The following TIAM1 variants were observed in gnomAD, a reference collection of about 807,000 sequenced individuals.
The protein encoded by TIAM1 is TIAM Rac1 associated GEF 1.
A neutral mutation model predicts 163.5 loss-of-function variants in TIAM1; 65 were observed. The ratio of observed to expected loss-of-function variants is 0.40; its 90% CI spans 0.33 to 0.49. The LOEUF (loss-of-function observed/expected upper bound fraction) is 0.49. TIAM1 is among the 20% of genes least tolerant of loss of function. TIAM1 has a pLI of 0.77. For synonymous variants in TIAM1, 833 were observed against 810.1 expected (o/e 1.03, Z -0.48); for missense variants, 1,789 against 2,044.7 (o/e 0.87, Z 2.41).
chr21:31,542,886 C>G (rs990358603), intron 1 of TIAM1, among the ~76,000 whole-genome samples: 1 of 151,776 alleles, frequency 6.6e-6, no homozygotes, highest in African/African-American at 2.4e-5. Flanking sequence ...AAGAATCACT[C>G]AAACTCGGGA....
At chr21:31,464,448 C>T (rs1031088438) in intron 1 of TIAM1, among the ~76,000 whole-genome samples, 1 of 152,134 alleles carries the variant, frequency 6.6e-6, no homozygotes. Flanking sequence ...GTGGTTCACA[C>T]CCTAATCCCA....
At chr21:31,428,685 C>A (rs1366596375) in intron 2 of TIAM1, among the ~76,000 whole-genome samples, 9 of 151,992 alleles carry the variant, frequency 5.9e-5, no homozygotes, top group Non-Finnish European at 1.0e-4. Flanking sequence ...GAGTTCGAGA[C>A]CAGCCTGGGA....
intron 1 of TIAM1, among the ~76,000 whole-genome samples, chr21:31,526,306 C>G (rs1439146780): frequency 1.3e-5 from 2 of 152,198 alleles, no homozygotes; most frequent in African/African-American, 4.8e-5. Flanking sequence ...AGCAGCAAAA[C>G]TAAAAGAGGT....
At chr21:31,430,003 C>G (rs1416107860) in intron 2 of TIAM1, among the ~76,000 whole-genome samples, 1 of 151,824 alleles carries the variant, frequency 6.6e-6, no homozygotes, top group Non-Finnish European at 1.5e-5. Flanking sequence ...GTCAGGAGTT[C>G]AAGACCAGCC....
chr21:31,489,520 A>AGGGAGGGAGGG (rs2046391572), intron 1 of TIAM1, among the ~76,000 whole-genome samples: 1 of 105,834 alleles, frequency 9.4e-6, no homozygotes, highest in African/African-American at 3.9e-5. Context: ...GGAGGGAAGG[A>AGGGAGGGAGGG]AGGGAGGGAG....
chr21:31,190,575 C>T (rs563118340), intron 13 of TIAM1, among the ~76,000 whole-genome samples: 4 of 152,248 alleles, frequency 2.6e-5, no homozygotes, highest in African/African-American at 9.6e-5. Context: ...GAGGAGAACA[C>T]ACGACTAAAA....
Position 31,548,729 on chromosome 21 carries a change from T to A in TIAM1, c.-422+10198A>T, listed in dbSNP as rs139847417. Among the ~76,000 whole-genome samples the A allele has an allele frequency of 3.3e-5, 5 of 151,950 alleles. 2 individuals are homozygous for A. Among genetic ancestry groups the A allele is most frequent in the African/African-American group, 1.2e-4 (5 of 41,442 alleles). ...GTCTCGAACTCCTGGCCACAAGCGA[T>A]CCACCCACCTCAGCCTCCCCAAGTG... On this transcript the variant is annotated intron_variant, in intron 1 of 28. Transcript: ENST00000286827.
chr21:31,447,626 G>T (rs2044675023), intron 2 of TIAM1, among the ~76,000 whole-genome samples: 1 of 152,152 alleles, frequency 6.6e-6, no homozygotes, highest in South Asian at 2.1e-4. Context: ...AAAGCAAATG[G>T]AAGTGAAGAG....
intron 2 of TIAM1, among the ~76,000 whole-genome samples, chr21:31,338,591 G>C (rs562996456): frequency 3.5e-4 from 54 of 152,298 alleles, no homozygotes; most frequent in African/African-American, 1.3e-3. Context: ...AGTACCCACA[G>C]CCCTTTCTGC....
chr21:31,164,994 C>T lies in TIAM1; in HGVS notation c.2959G>A (p.Glu987Lys). Reference protein sequence around the residue: ...APEETEGPDLESSDETDHSSK... With the variant: ...APEETEGPDLKSSDETDHSSK... ...CTGTGATCAGTCTCATCTGAGGATT[C>T]CAAGTCTGGCCCCTCGGTCTCCTCT... The change falls in exon 16 of 28, where the codon GAA becomes AAA. Residue 987 changes from glutamate (E) to lysine (K), a missense_variant. Around this residue, in one of 5 missense-constraint regions of TIAM1, gnomAD observed 303 missense variants for 321.3 expected, o/e 0.94. Coordinates refer to ENST00000541036, the MANE Select transcript of TIAM1 (RefSeq NM_001353694.2). 6.2e-7 allele frequency: 1 copy of T among 1,614,172 alleles called. No individual in the cohort carries two copies. The highest frequency in any genetic ancestry group is 2.2e-5 in the East Asian group (1 of 44,884).
chr21:31,194,341 G>A (rs1421759637), intron 13 of TIAM1, among the ~76,000 whole-genome samples: 1 of 152,030 alleles, frequency 6.6e-6, no homozygotes, highest in Non-Finnish European at 1.5e-5. Flanking sequence ...GCAAACCTAG[G>A]GATGGTCTTG....
intron 1 of TIAM1, among the ~76,000 whole-genome samples, chr21:31,512,337 T>A (rs2047236546): frequency 6.6e-6 from 1 of 152,012 alleles, no homozygotes; most frequent in Non-Finnish European, 1.5e-5. Flanking sequence ...TGGGCTCAAG[T>A]CATCCACCCG....
At chr21:31,144,909 A>G (rs2083040107) in intron 20 of TIAM1, among the ~76,000 whole-genome samples, 1 of 151,772 alleles carries the variant, frequency 6.6e-6, no homozygotes, top group Non-Finnish European at 1.5e-5. Context: ...GTTTTGAAAG[A>G]TAATATAATA....
At chr21:31,289,227 G>A (rs1397392913) in intron 2 of TIAM1, among the ~76,000 whole-genome samples, 3 of 152,182 alleles carry the variant, frequency 2.0e-5, no homozygotes, top group Non-Finnish European at 4.4e-5. Context: ...AGCAAAGGAT[G>A]AGAGTGGAGC....
chr21:31,289,398 T>G (rs1442840795), intron 2 of TIAM1, among the ~76,000 whole-genome samples: 8 of 152,164 alleles, frequency 5.3e-5, no homozygotes, highest in Non-Finnish European at 1.2e-4. Context: ...CCATATTTCT[T>G]TAACTTTCTC....
At chr21:31,418,113 TG>T (rs1473226264) in intron 2 of TIAM1, among the ~76,000 whole-genome samples, 3 of 151,810 alleles carry the variant, frequency 2.0e-5, no homozygotes, top group African/African-American at 4.8e-5. Context: ...CCCAGCACTT[TG>T]GCAGATCACT....
At chr21:31,492,498 T>C (rs1311600048) in intron 1 of TIAM1, among the ~76,000 whole-genome samples, 1 of 152,166 alleles carries the variant, frequency 6.6e-6, no homozygotes. Flanking sequence ...CTTTAAAGAC[T>C]GATCAAGGAC....
intron 13 of TIAM1, among the ~76,000 whole-genome samples, chr21:31,191,414 A>G (rs1008407001): frequency 6.6e-6 from 1 of 152,196 alleles, no homozygotes; most frequent in Non-Finnish European, 1.5e-5. Context: ...TCGGCCTCCC[A>G]AAATGCTGGG....
intron 1 of TIAM1, among the ~76,000 whole-genome samples, chr21:31,553,075 A>G (rs1462983957): frequency 6.6e-6 from 1 of 152,228 alleles, no homozygotes; most frequent in Non-Finnish European, 1.5e-5. Flanking sequence ...ACAGTACTAG[A>G]TAGAGTTATT....
Sources: gnomAD v4.1 joint callset for allele counts (sites outside exome capture counted in the v4.1 genomes callset) on GRCh38, gnomAD v4.1.1 for gene constraint, gnomAD v4.1.1 regional missense constraint, MANE v1.5 for transcripts, NCBI Gene and HGNC (gene_info 2026-07-23, HGNC 2026-07-21) for gene names.